The following CCDC148 variants were observed in gnomAD, a reference collection of about 807,000 sequenced individuals.
The protein encoded by CCDC148 is coiled-coil domain containing 148.
CCDC148 carries 89 observed loss-of-function variants against 85.7 expected under a neutral mutation model. That is an observed-to-expected ratio of 1.04 (90% confidence interval 0.87 to 1.24). The LOEUF (loss-of-function observed/expected upper bound fraction) is 1.24. CCDC148 is among the 50% of genes most tolerant of loss of function. The probability of loss-of-function intolerance (pLI) is 0.00; values close to 1 mark genes in which losing one functional copy is unlikely to be tolerated. For synonymous variants in CCDC148, 230 were observed against 213.9 expected, an observed-to-expected ratio of 1.08 and a Z score of -0.66; for missense variants, 692 against 671.7, an observed-to-expected ratio of 1.03 and a Z score of -0.33.
chr2:158,278,788 A>G (rs1223907871), intron 9 of CCDC148, among the ~76,000 whole-genome samples: 1 of 152,260 alleles, frequency 6.6e-6, no homozygotes, highest in South Asian at 2.1e-4. Flanking sequence ...TTCTCCCAGC[A>G]CGCGGATGGA....
chr2:158,210,339 T>C (rs1222385193), intron 11 of CCDC148, among the ~76,000 whole-genome samples: 1 of 152,132 alleles, frequency 6.6e-6, no homozygotes, highest in African/African-American at 2.4e-5. Flanking sequence ...ACAAAGAGAC[T>C]TAGACTCCCA....
intron 1 of CCDC148, among the ~76,000 whole-genome samples, chr2:158,363,396 A>AT (rs895066395): frequency 2.2e-4 from 33 of 152,340 alleles, no homozygotes; most frequent in African/African-American, 7.7e-4. Flanking sequence ...CCTGATGAAA[A>AT]TCAGTGTGAA....
intron 9 of CCDC148, among the ~76,000 whole-genome samples, chr2:158,279,411 T>C (rs1368743522): frequency 1.3e-5 from 2 of 152,072 alleles, no homozygotes; most frequent in African/African-American, 2.4e-5. Context: ...CAAGAATAAC[T>C]AATACAGAGA....
Position 158,363,186 on chromosome 2 carries a change from A to G in CCDC148, c.26-4616T>C, listed in dbSNP as rs10190168. ...TGAGGCAGTAATAGCCTATCAACCA[A>G]AAAAAAGTCCAGGACCAGATGGCTT... is the stretch of plus-strand genomic sequence containing the variant. On this transcript the variant is annotated intron_variant, in intron 1 of 13. Coordinates refer to ENST00000283233, the MANE Select transcript of CCDC148 (RefSeq NM_138803.4). 8.1e-3 allele frequency among the ~76,000 whole-genome samples: 1,226 copies of G among 152,232 alleles called. 17 individuals are homozygous for G. Among genetic ancestry groups the G allele is most frequent in the African/African-American group, 0.028 (1,153 of 41,552 alleles).
At chr2:158,248,194 C>T (rs1193989758) in intron 10 of CCDC148, among the ~76,000 whole-genome samples, 1 of 151,670 alleles carries the variant, frequency 6.6e-6, no homozygotes, top group Non-Finnish European at 1.5e-5. Context: ...CTATATATGG[C>T]CTGGAAAGAT....
chr2:158,349,727 A>G (rs1230883693), intron 2 of CCDC148, among the ~76,000 whole-genome samples: 1 of 152,074 alleles, frequency 6.6e-6, no homozygotes, highest in African/African-American at 2.4e-5. Flanking sequence ...AATATTCCCA[A>G]TGCATCTTCC....
intron 1 of CCDC148, among the ~76,000 whole-genome samples, chr2:158,432,277 TTATAAG>T (rs1387523892): frequency 2.0e-5 from 3 of 150,788 alleles, no homozygotes; most frequent in African/African-American, 7.3e-5. Context: ...CCAACCATAG[TTATAAG>T]TATATTAAAG....
At chr2:158,446,033 T>G (rs1573834812) in intron 1 of CCDC148, among the ~76,000 whole-genome samples, 1 of 152,138 alleles carries the variant, frequency 6.6e-6, no homozygotes, top group East Asian at 1.9e-4. Context: ...AGGCTTTATG[T>G]AATCAACTAT....
At chr2:158,204,301 A>G (rs1686119405) in intron 11 of CCDC148, among the ~76,000 whole-genome samples, 1 of 152,114 alleles carries the variant, frequency 6.6e-6, no homozygotes, top group African/African-American at 2.4e-5. Flanking sequence ...ATTATTTGAT[A>G]CTCCTCCTAT....
At chr2:158,244,936 C>T (rs575868289) in intron 10 of CCDC148, among the ~76,000 whole-genome samples, 2 of 152,148 alleles carry the variant, frequency 1.3e-5, no homozygotes, top group South Asian at 4.1e-4. Context: ...AATCATTCTT[C>T]TGTGCTCACC....
chr2:158,306,545 G>A (rs1302309820), intron 9 of CCDC148, among the ~76,000 whole-genome samples: 3 of 151,964 alleles, frequency 2.0e-5, no homozygotes, highest in Admixed American at 6.6e-5. Context: ...GGATGAAGCT[G>A]GAAACCATCA....
At chr2:158,318,388 C>T (rs960926817) in intron 7 of CCDC148, among the ~76,000 whole-genome samples, 17 of 151,922 alleles carry the variant, frequency 1.1e-4, no homozygotes, top group South Asian at 2.1e-4. Flanking sequence ...TTGAAACAAA[C>T]AATTAAAAAA....
intron 11 of CCDC148, among the ~76,000 whole-genome samples, chr2:158,193,754 A>T (rs1685529414): frequency 6.6e-6 from 1 of 152,028 alleles, no homozygotes; most frequent in African/African-American, 2.4e-5. Context: ...ACAGATAAAG[A>T]CACACACTTA....
chr2:158,303,987 C>A (rs1402553233), intron 9 of CCDC148, among the ~76,000 whole-genome samples: 1 of 152,130 alleles, frequency 6.6e-6, no homozygotes, highest in Non-Finnish European at 1.5e-5. Context: ...ATGTGTGAGA[C>A]ATCAACAAAA....
chr2:158,262,808 G>A (rs1689289485), intron 9 of CCDC148, among the ~76,000 whole-genome samples: 2 of 151,842 alleles, frequency 1.3e-5, no homozygotes, highest in African/African-American at 4.8e-5. Flanking sequence ...GAAACGTGGG[G>A]ATTACAATTC....
intron 9 of CCDC148, among the ~76,000 whole-genome samples, chr2:158,289,901 G>C (rs967308805): frequency 3.3e-5 from 5 of 152,128 alleles, no homozygotes; most frequent in Admixed American, 3.3e-4. Context: ...CACACAGTAC[G>C]GTAACATACT....
intron 1 of CCDC148, among the ~76,000 whole-genome samples, chr2:158,436,189 C>A (rs1019963354): frequency 2.0e-5 from 3 of 152,202 alleles, no homozygotes; most frequent in South Asian, 2.1e-4. Flanking sequence ...TCTCAGCACC[C>A]CATCACACTT....
At chr2:158,304,713 C>T (rs75500450) in intron 9 of CCDC148, among the ~76,000 whole-genome samples, 1,896 of 152,250 alleles carry the variant, frequency 0.012, 33 homozygotes, top group African/African-American at 0.039. Context: ...GAATCACTTA[C>T]ATCAGGACTT....
chr2:158,236,415 T>C (rs1454499808), intron 10 of CCDC148, among the ~76,000 whole-genome samples: 2 of 152,216 alleles, frequency 1.3e-5, no homozygotes, highest in Non-Finnish European at 2.9e-5. Context: ...CATTGAAATA[T>C]TGCATAATGA....
Sources: gnomAD v4.1 joint callset for allele counts (sites outside exome capture counted in the v4.1 genomes callset) on GRCh38, gnomAD v4.1.1 for gene constraint, MANE v1.5 for transcripts, NCBI Gene and HGNC (gene_info 2026-07-23, HGNC 2026-07-21) for gene names.